RPL26L1: variants seen among roughly 807,000 people sequenced by gnomAD.
The protein encoded by RPL26L1 is ribosomal protein uL24-like.
In RPL26L1, 8 loss-of-function variants were observed where a neutral mutation model predicts 15.2. The ratio of observed to expected loss-of-function variants is 0.53; its 90% CI spans 0.31 to 0.95. The LOEUF is 0.95. Ranked by LOEUF, RPL26L1 falls within the 40% of genes least tolerant of loss-of-function variation. The pLI is 0.05. For synonymous variants in RPL26L1, 51 were observed against 65.9 expected, an observed-to-expected ratio of 0.77 and a Z score of 1.09; for missense variants, 146 against 190.9, an observed-to-expected ratio of 0.76 and a Z score of 1.39.
Position 172,964,281 on chromosome 5 carries a change from CTTT to C in RPL26L1, c.169-4159_169-4157del, listed in dbSNP as rs1204432096. On this transcript the variant is annotated intron_variant, in intron 2 of 3. Transcript: ENST00000265100. ...TGAGCCACAGTGTCTGGCCTGTTGC[CTTT>C]TTTTTTTTTTTTTTTTTTGAGACAG... is the stretch of plus-strand genomic sequence containing the variant. Among the ~76,000 whole-genome samples the C allele has an allele frequency of 5.9e-4, 59 of 99,240 alleles. 2 individuals are homozygous for C. The highest frequency in any genetic ancestry group is 1.0e-3 in the Non-Finnish European group (50 of 49,278). The allele number at this position is 99,240 out of a possible 152,430, so 65.1% of individuals were successfully genotyped here. A position where few individuals can be genotyped will look rare whatever the true frequency, so the allele number is the denominator to read the frequency against.
intron 3 of RPL26L1, 135 bp downstream of exon 3, chr5:172,968,734 AT>A: frequency 1.3e-6 from 1 of 757,064 alleles, no homozygotes; most frequent in East Asian, 4.1e-5. Context: ...TAGCTTTGTG[AT>A]ATCATCAAGG....
At chr5:172,955,027 G>A (rs1014458915), upstream of RPL26L1, 3 of 455,788 alleles carry the variant, frequency 6.6e-6, no homozygotes, top group African/African-American at 6.0e-5. Context: ...CTGAAGTGTT[G>A]CAAACAACAC....
chr5:172,967,313 A>G (rs1050464502), intron 2 of RPL26L1, among the ~76,000 whole-genome samples: 1 of 152,006 alleles, frequency 6.6e-6, no homozygotes, highest in Non-Finnish European at 1.5e-5. Context: ...AAAAATACAA[A>G]AATTAGCCAG....
chr5:172,968,350 T>C, intron 2 of RPL26L1, 109 bp from the exon 3 acceptor site: 1 of 1,396,604 alleles, frequency 7.2e-7, no homozygotes, highest in Non-Finnish European at 9.8e-7. Context: ...AGGATTAAGC[T>C]GCTTTTGACA....
chr5:172,967,717 C>G (rs1207556807), intron 2 of RPL26L1, among the ~76,000 whole-genome samples: 1 of 151,484 alleles, frequency 6.6e-6, no homozygotes, highest in Non-Finnish European at 1.5e-5. Context: ...TATATTTTAT[C>G]CCACTGTGTC....
At chr5:172,962,815 CAAA>C (rs56210758) in intron 2 of RPL26L1, among the ~76,000 whole-genome samples, 5 of 61,904 alleles carry the variant, frequency 8.1e-5, no homozygotes, top group Non-Finnish European at 9.5e-5. Flanking sequence ...GGCTCTGTCT[CAAA>C]AAAAAAAAAA....
upstream of RPL26L1, chr5:172,955,995 GC>G (rs1450795199): frequency 6.6e-6 from 1 of 152,220 alleles, no homozygotes; most frequent in African/African-American, 2.4e-5. Flanking sequence ...AGCAGGAGGT[GC>G]TTTTTTTGGT....
chr5:172,964,546 C>A (rs983817137), intron 2 of RPL26L1, among the ~76,000 whole-genome samples: 6 of 152,026 alleles, frequency 3.9e-5, no homozygotes, highest in African/African-American at 1.4e-4. Flanking sequence ...TCAGCCTCCC[C>A]AAGTGCTGGG....
In RPL26L1 at chr5:172,969,613, G is replaced by A. The variant is rs563620733; in HGVS notation, c.*72G>A. The A allele has an allele frequency of 5.3e-5, 76 of 1,446,366 alleles. No individual in the cohort carries two copies. Among genetic ancestry groups the A allele is most frequent in the South Asian group, 3.2e-4 (25 of 78,148 alleles). 89.6% of individuals were successfully genotyped at this position (1,446,366 alleles called of 1,614,324 possible). On this transcript the variant is annotated 3_prime_UTR_variant, in exon 4 of 4. Transcript: ENST00000265100. ...AGGGTGTGTTTCTTTCGAACTTTTC[G>A]GAATGTCTGGAACATTTCATTTCCT...
upstream of RPL26L1, chr5:172,958,398 A>T (rs775309522): frequency 2.2e-6 from 1 of 456,228 alleles, no homozygotes; most frequent in South Asian, 1.5e-5. Flanking sequence ...TACTTGCAAG[A>T]CATCTTCCCT....
At chr5:172,969,308 C>T (rs568026570) in intron 3 of RPL26L1, 105 bp from the exon 4 acceptor site, 154 of 1,193,524 alleles carry the variant, frequency 1.3e-4, no homozygotes, top group Non-Finnish European at 1.3e-4. Flanking sequence ...AGTTTCAGTT[C>T]CTTAAAAGCT....
intron 2 of RPL26L1, 41 bp downstream of exon 2, chr5:172,960,082 G>C: frequency 1.9e-6 from 3 of 1,610,832 alleles, no homozygotes; most frequent in Non-Finnish European, 2.5e-6. Context: ...GGACACCGTT[G>C]CCTAAGAACG....
chr5:172,957,609 C>CAGTG (rs749787609), upstream of RPL26L1: 4 of 260,876 alleles, frequency 1.5e-5, no homozygotes, highest in South Asian at 3.8e-5. Context: ...TAAACAGAAC[C>CAGTG]AGTGAGTGAG....
At chr5:172,962,537 G>T (rs938824376) in intron 2 of RPL26L1, among the ~76,000 whole-genome samples, 3 of 150,354 alleles carry the variant, frequency 2.0e-5, no homozygotes. Flanking sequence ...ACAAAAAACG[G>T]CCAGGCACAG....
chr5:172,958,144 A>G, upstream of RPL26L1: 1 of 335,934 alleles, frequency 3.0e-6, no homozygotes, highest in Non-Finnish European at 5.9e-6. Flanking sequence ...CATACCTGTA[A>G]TCCCAGATAC....
chr5:172,965,688 G>A (rs933447623), intron 2 of RPL26L1, among the ~76,000 whole-genome samples: 3 of 152,078 alleles, frequency 2.0e-5, no homozygotes, highest in African/African-American at 7.2e-5. Context: ...ATTCGCTCTG[G>A]CCACATTAAT....
At chr5:172,968,380 T>G in intron 2 of RPL26L1, 79 bp from the exon 3 acceptor site, 2 of 1,551,666 alleles carry the variant, frequency 1.3e-6, no homozygotes, top group South Asian at 1.2e-5. Flanking sequence ...GTTTAGCCCA[T>G]GTGTTCCTGA....
chr5:172,962,116 C>G (rs1561755999), intron 2 of RPL26L1, among the ~76,000 whole-genome samples: 2 of 152,218 alleles, frequency 1.3e-5, no homozygotes, highest in Admixed American at 6.5e-5. Flanking sequence ...AGTCTTGAAC[C>G]TATTTCCTGT....
Position 172,968,440 on chromosome 5 carries a change from CTT to C in RPL26L1, c.169-16_169-15del, listed in dbSNP as rs1321087346. On this transcript the variant is annotated splice_polypyrimidine_tract_variant and intron_variant, in intron 2 of 3. Coordinates refer to ENST00000265100, the MANE Select transcript of RPL26L1 (RefSeq NM_016093.4). ...TGCACTACAAATGGAGGGGGATTCT[CTT>C]TTGTATTTTCTCTTAGGTAGTTCGA... 2.5e-6 allele frequency: 4 copies of C among 1,612,218 alleles called. No individual in the cohort carries two copies. The highest frequency in any genetic ancestry group is 3.4e-6 in the Non-Finnish European group (4 of 1,179,276).
Sources: allele counts gnomAD v4.1 joint callset (sites outside exome capture counted in the v4.1 genomes callset), GRCh38; gene constraint gnomAD v4.1.1; transcripts MANE v1.5; gene names NCBI Gene and HGNC (gene_info 2026-07-23, HGNC 2026-07-21).